The following MND1 variants were observed in gnomAD, a reference collection of about 807,000 sequenced individuals.
MND1 encodes the protein meiotic nuclear divisions 1.
MND1 carries 28 observed loss-of-function variants against 35.1 expected under a neutral mutation model. The observed-to-expected ratio is 0.80, with a 90% CI of 0.59 to 1.09. The LOEUF (loss-of-function observed/expected upper bound fraction) is 1.09. MND1 is among the 50% of genes least tolerant of loss of function. MND1 has a pLI of 0.00. For missense variants in MND1, 213 were observed against 239.6 expected (o/e 0.89, Z 0.73); for synonymous variants, 69 against 70.5 (o/e 0.98, Z 0.11).
chr4:153,351,668 C>G (rs1447749583), intron 2 of MND1, among the ~76,000 whole-genome samples: 2 of 152,132 alleles, frequency 1.3e-5, no homozygotes, highest in African/African-American at 4.8e-5. Flanking sequence ...AATTCAGATT[C>G]AGGAATTTGG....
chr4:153,349,359 C>A (rs1164680994), intron 1 of MND1, among the ~76,000 whole-genome samples: 1 of 152,066 alleles, frequency 6.6e-6, no homozygotes, highest in African/African-American at 2.4e-5. Flanking sequence ...ATTAACTTAA[C>A]GAAAATGCAA....
chr4:153,355,887 T>G (rs1481743721), intron 3 of MND1, 176 bp downstream of exon 3: 1 of 553,798 alleles, frequency 1.8e-6, no homozygotes, highest in African/African-American at 1.9e-5. Context: ...CATGTTGTCC[T>G]TTATTTTTCT....
At chr4:153,374,773 G>C (rs1728452371) in intron 4 of MND1, among the ~76,000 whole-genome samples, 1 of 151,782 alleles carries the variant, frequency 6.6e-6, no homozygotes, top group Non-Finnish European at 1.5e-5. Flanking sequence ...GGTTGTATGT[G>C]TTGATTATTA....
rs192849233 is a variant in MND1 at position 153,345,165 on chromosome 4, C to T, written c.3+425C>T. Among the ~76,000 whole-genome samples the T allele has an allele frequency of 3.2e-3, 485 of 152,306 alleles. 1 individual carries two copies. The highest frequency in any genetic ancestry group is 0.011 in the African/African-American group (456 of 41,564). Reference sequence around the variant, plus strand: ...AGCTTCGGCCCCGCGTGGTGTAGCCCCCCCCATTAAGAACGGGGAGAGAAA... The same window carrying T: ...AGCTTCGGCCCCGCGTGGTGTAGCCTCCCCCATTAAGAACGGGGAGAGAAA... On this transcript the variant is annotated intron_variant, in intron 1 of 7. Coordinates refer to ENST00000240488, the MANE Select transcript of MND1 (RefSeq NM_032117.4).
At chr4:153,345,047 G>A (rs1419785241) in intron 1 of MND1, among the ~76,000 whole-genome samples, 2 of 152,202 alleles carry the variant, frequency 1.3e-5, no homozygotes, top group Non-Finnish European at 2.9e-5. Flanking sequence ...TAGAACGCGG[G>A]AAGCGTTCGC....
At chr4:153,396,531 A>G (rs1360789405) in intron 5 of MND1, among the ~76,000 whole-genome samples, 1 of 152,116 alleles carries the variant, frequency 6.6e-6, no homozygotes, top group Non-Finnish European at 1.5e-5. Flanking sequence ...CTTTGCCAAC[A>G]TTTGGTTTTT....
chr4:153,385,630 T>C (rs1326876424), intron 4 of MND1, among the ~76,000 whole-genome samples: 1 of 150,370 alleles, frequency 6.7e-6, no homozygotes, highest in Non-Finnish European at 1.5e-5. Flanking sequence ...GTGGGAGGAT[T>C]GCTTGAGCTT....
intron 4 of MND1, chr4:153,381,623 A>G (rs897713035): frequency 6.8e-5 from 8 of 116,980 alleles, no homozygotes. Context: ...AAATTTCAGT[A>G]TTCATAACAT....
chr4:153,410,206 T>G (rs1729642903), intron 7 of MND1, among the ~76,000 whole-genome samples: 1 of 152,188 alleles, frequency 6.6e-6, no homozygotes, highest in African/African-American at 2.4e-5. Flanking sequence ...CCTTTTCCTT[T>G]TCTTCTCTTA....
rs1192817345 is a variant in MND1 at position 153,394,257 on chromosome 4, T to C, written c.277-5T>C. On this transcript the variant is annotated splice_region_variant and splice_polypyrimidine_tract_variant and intron_variant, in intron 4 of 7. Coordinates refer to ENST00000240488, the MANE Select transcript of MND1 (RefSeq NM_032117.4). ...AAGCTGTTTTATTTGTTTTTGATTC[T>C]CTAGTTGTCTGAGGGAAGTCAAAAG... 1.9e-6 allele frequency: 3 copies of C among 1,611,290 alleles called. No individual in the cohort carries two copies. The South Asian group carries it at 3.3e-5, about 18-fold the overall frequency.
chr4:153,382,448 G>A (rs1011071212), intron 4 of MND1, among the ~76,000 whole-genome samples: 1 of 152,152 alleles, frequency 6.6e-6, no homozygotes, highest in Non-Finnish European at 1.5e-5. Context: ...GGAAGGGAAG[G>A]CATTACTTTG....
chr4:153,362,325 G>A (rs957212167), intron 4 of MND1, among the ~76,000 whole-genome samples: 6 of 152,100 alleles, frequency 3.9e-5, no homozygotes, highest in African/African-American at 9.7e-5. Flanking sequence ...TCTTGGGGGC[G>A]GTTTCTCATG....
At chr4:153,394,214 A>T in intron 4 of MND1, 48 bp from the exon 5 acceptor site, 2 of 1,560,164 alleles carry the variant, frequency 1.3e-6, no homozygotes, top group Non-Finnish European at 8.8e-7. Flanking sequence ...CAACTACTAC[A>T]TGTCAGTTTA....
chr4:153,354,956 A>G (rs1773303919), intron 2 of MND1, among the ~76,000 whole-genome samples: 2 of 152,136 alleles, frequency 1.3e-5, no homozygotes. Flanking sequence ...TGAGTCCAGA[A>G]GTTCAAGACC....
intron 4 of MND1, among the ~76,000 whole-genome samples, chr4:153,368,076 A>G (rs187740032): frequency 1.7e-4 from 26 of 152,312 alleles, no homozygotes; most frequent in Admixed American, 3.3e-4. Flanking sequence ...GTGCATATTC[A>G]TCACTCAGCA....
At chr4:153,381,786 C>G (rs1311470930) in intron 4 of MND1, 2 of 136,524 alleles carry the variant, frequency 1.5e-5, no homozygotes, top group Non-Finnish European at 3.1e-5. Flanking sequence ...GGCCATGATC[C>G]CACTACTGAT....
intron 6 of MND1, among the ~76,000 whole-genome samples, chr4:153,399,263 A>G (rs560783177): frequency 1.3e-5 from 2 of 152,296 alleles, no homozygotes; most frequent in South Asian, 4.1e-4. Context: ...AAAAAGACGT[A>G]AGCTTTTCCA....
chr4:153,382,528 A>G (rs1160125549), intron 4 of MND1, among the ~76,000 whole-genome samples: 1 of 152,234 alleles, frequency 6.6e-6, no homozygotes, highest in East Asian at 1.9e-4. Context: ...TAGAAAAGTA[A>G]GAGTATTATT....
chr4:153,404,570 G>A (rs1729440753), intron 6 of MND1, among the ~76,000 whole-genome samples: 1 of 151,688 alleles, frequency 6.6e-6, no homozygotes, highest in South Asian at 2.1e-4. Flanking sequence ...CGCCTCCCTG[G>A]TTCAAGCAAT....
Sources: allele counts gnomAD v4.1 joint callset (sites outside exome capture counted in the v4.1 genomes callset), GRCh38; gene constraint gnomAD v4.1.1; transcripts MANE v1.5; gene names NCBI Gene and HGNC (gene_info 2026-07-23, HGNC 2026-07-21).